NIBAN1: variants seen among roughly 807,000 people sequenced by gnomAD.
NIBAN1 encodes niban apoptosis regulator 1.
A neutral mutation model predicts 75.1 loss-of-function variants in NIBAN1; 81 were observed. The ratio of observed to expected loss-of-function variants is 1.08; its 90% confidence interval spans 0.90 to 1.30. The LOEUF is 1.30. NIBAN1 is among the 50% of genes most tolerant of loss of function. The pLI, the probability that NIBAN1 is intolerant of heterozygous loss-of-function variation, is 0.00. For synonymous variants in NIBAN1, 436 were observed against 424.8 expected, an observed-to-expected ratio of 1.03 and a Z score of -0.32; for missense variants, 1,133 against 1,128.1, an observed-to-expected ratio of 1.00 and a Z score of -0.06.
At chr1:184,934,626 G>A (rs1657907818) in intron 1 of NIBAN1, among the ~76,000 whole-genome samples, 1 of 152,210 alleles carries the variant, frequency 6.6e-6, no homozygotes, top group Admixed American at 6.5e-5. Context: ...GCCACTAGCA[G>A]TGGCTCACGC....
Position 184,974,257 on chromosome 1 carries a change from G to GC in NIBAN1, c.55+44dup, listed in dbSNP as rs1221429369. 1.9e-5 allele frequency: 28 copies of GC among 1,479,690 alleles called. 1 individual carries two copies. The East Asian group carries it at 7.5e-4, about 40-fold the overall frequency. The allele number at this position is 1,479,690 out of a possible 1,614,324, so 91.7% of individuals were successfully genotyped here. ...CCCCGACCGCGGCAGCCAGCCTGGT[G>GC]CACGGGTCAGGGTGCTCCCCAGGCC... On this transcript the variant is annotated intron_variant, in intron 1 of 13. Transcript: ENST00000367511.
chr1:184,864,412 G>A (rs1655895316), intron 5 of NIBAN1, among the ~76,000 whole-genome samples: 1 of 152,060 alleles, frequency 6.6e-6, no homozygotes, highest in African/African-American at 2.4e-5. Context: ...ACACTTTATA[G>A]GTACATTATT....
chr1:184,805,242 T>TA lies in NIBAN1; in HGVS notation c.1446+703dup, dbSNP rs1248980215. On this transcript the variant is annotated intron_variant, in intron 11 of 13. Coordinates refer to ENST00000367511, the MANE Select transcript of NIBAN1 (RefSeq NM_052966.4). The stretch of plus-strand genomic sequence containing the variant: ...AATGTTTAGGGGAACTAGAAGGCAG[T>TA]AAAAAAAATTAGTGGACTAGGTGTA... Among the ~76,000 whole-genome samples the TA allele has an allele frequency of 2.6e-5, 4 of 152,072 alleles. No individual in the cohort carries two copies. In the East Asian group the frequency reaches 7.7e-4, roughly 29 times the overall value.
intron 4 of NIBAN1, among the ~76,000 whole-genome samples, chr1:184,886,501 T>C (rs1656528878): frequency 6.6e-6 from 1 of 152,174 alleles, no homozygotes; most frequent in Admixed American, 6.5e-5. Context: ...TTTAAAGCCC[T>C]AGACAATGGG....
intron 1 of NIBAN1, among the ~76,000 whole-genome samples, chr1:184,956,576 A>C (rs1340152066): frequency 6.6e-6 from 1 of 152,192 alleles, no homozygotes; most frequent in Admixed American, 6.5e-5. Flanking sequence ...CTTCAAAATG[A>C]CAGTAGTTAT....
chr1:184,931,870 C>A (rs1657833620), intron 1 of NIBAN1, among the ~76,000 whole-genome samples: 1 of 152,200 alleles, frequency 6.6e-6, no homozygotes, highest in South Asian at 2.1e-4. Flanking sequence ...CTTAAAGGTA[C>A]ATAAAATAGT....
At chr1:184,823,037 G>T in intron 8 of NIBAN1, 130 bp downstream of exon 8, 2 of 1,065,064 alleles carry the variant, frequency 1.9e-6, no homozygotes, top group South Asian at 1.6e-5. Flanking sequence ...TGTTCCTGTT[G>T]CAGCTGTGAT....
At chr1:184,955,307 TTTTCCTTTCCTTTCC>T (rs539172229) in intron 1 of NIBAN1, among the ~76,000 whole-genome samples, 45 of 94,554 alleles carry the variant, frequency 4.8e-4, no homozygotes, top group South Asian at 2.5e-3. Flanking sequence ...TTTTCTTTTC[TTTTCCTTTCCTTTCC>T]TTTCCTTTCC....
chr1:184,942,075 AAATT>A (rs1213278817), intron 1 of NIBAN1, among the ~76,000 whole-genome samples: 2 of 152,252 alleles, frequency 1.3e-5, no homozygotes, highest in African/African-American at 4.8e-5. Flanking sequence ...TTAAAAAAAC[AAATT>A]AAGTAGACAA....
chr1:184,958,939 A>G (rs1407408347), intron 1 of NIBAN1, among the ~76,000 whole-genome samples: 2 of 152,208 alleles, frequency 1.3e-5, no homozygotes, highest in Admixed American at 6.5e-5. Context: ...TGCTTAGGCA[A>G]TTTTTCCTGT....
Position 184,791,244 on chromosome 1 carries a change from C to T in NIBAN1, c.*3733G>A, listed in dbSNP as rs559301695. 9 of 290,252 alleles carry T rather than the reference C, an allele frequency of 3.1e-5. No homozygotes were observed. The highest frequency in any genetic ancestry group is 9.4e-5 in the East Asian group (1 of 10,638). 18.0% of individuals were successfully genotyped at this position (290,252 alleles called of 1,614,324 possible). A position where few individuals can be genotyped will look rare whatever the true frequency, so the allele number is the denominator to read the frequency against. On this transcript the variant is annotated 3_prime_UTR_variant, in exon 14 of 14. Transcript: ENST00000367511. ...AGGCACATGTTGCCAACTGTTGCAC[C>T]GACTGATACTATTATTAAGTCAATG...
intron 1 of NIBAN1, among the ~76,000 whole-genome samples, chr1:184,915,963 G>T (rs1482123582): frequency 1.3e-5 from 2 of 152,116 alleles, no homozygotes; most frequent in Non-Finnish European, 2.9e-5. Flanking sequence ...TTATATAACT[G>T]CCACAGAGAA....
intron 12 of NIBAN1, 41 bp downstream of exon 12, chr1:184,803,544 G>T: frequency 6.6e-7 from 1 of 1,510,896 alleles, no homozygotes; most frequent in Non-Finnish European, 9.2e-7. Flanking sequence ...GAACTTCAGA[G>T]GTAAGAAGAG....
rs1654273806 is a variant in NIBAN1, at chr1:184,808,533, C to T, written c.1174-298G>A. ...TAAGCTGTTGATGGACTCTAATCTC[C>T]CACTTCCAGAGCTCAAGAACCAGAC... is the stretch of plus-strand genomic sequence containing the variant. On this transcript the variant is annotated intron_variant, in intron 9 of 13. Transcript: ENST00000367511. Among the ~76,000 whole-genome samples, 6 of 152,246 alleles carry T rather than the reference C, an allele frequency of 3.9e-5. No individual in the cohort carries two copies. In the South Asian group the frequency reaches 1.2e-3, roughly 32 times the overall value.
At chr1:184,814,519 G>A (rs1180658801) in intron 9 of NIBAN1, among the ~76,000 whole-genome samples, 1 of 152,076 alleles carries the variant, frequency 6.6e-6, no homozygotes, top group Non-Finnish European at 1.5e-5. Context: ...CAGTCAGTTG[G>A]CCTCATGCTA....
intron 3 of NIBAN1, among the ~76,000 whole-genome samples, chr1:184,891,514 A>G (rs1656665690): frequency 6.6e-6 from 1 of 152,212 alleles, no homozygotes; most frequent in African/African-American, 2.4e-5. Context: ...ATTGGCTTTT[A>G]TAAGCATTAT....
intron 9 of NIBAN1, 120 bp from the exon 10 acceptor site, chr1:184,808,355 T>C: frequency 9.9e-7 from 1 of 1,007,240 alleles, no homozygotes; most frequent in Non-Finnish European, 1.4e-6. Flanking sequence ...GAATCACTAC[T>C]TGGATCCCTA....
intron 5 of NIBAN1, among the ~76,000 whole-genome samples, chr1:184,872,240 G>T (rs549012484): frequency 6.6e-6 from 1 of 151,192 alleles, no homozygotes; most frequent in Non-Finnish European, 1.5e-5. Context: ...GAAAAAGAAC[G>T]AAAATAATTA....
In NIBAN1 at chr1:184,833,021, A is replaced by G. The variant is rs141254732; in HGVS notation, c.602-1059T>C. Among the ~76,000 whole-genome samples the G allele has an allele frequency of 5.2e-3, 798 of 152,180 alleles. 3 individuals are homozygous for G. Among genetic ancestry groups the G allele is most frequent in the Non-Finnish European group, 9.1e-3 (616 of 68,008 alleles). Reference sequence around the variant, plus strand: ...AAAGGGCAAAGTGAAGTGAGTGAAAAGGCCAAGTTCCCTGACTCTCCTCCT... The same window carrying G: ...AAAGGGCAAAGTGAAGTGAGTGAAAGGGCCAAGTTCCCTGACTCTCCTCCT... On this transcript the variant is annotated intron_variant, in intron 5 of 13. Transcript: ENST00000367511.
Sources: gnomAD v4.1 joint callset for allele counts (sites outside exome capture counted in the v4.1 genomes callset) on GRCh38, gnomAD v4.1.1 for gene constraint, MANE v1.5 for transcripts, NCBI Gene and HGNC (gene_info 2026-07-23, HGNC 2026-07-21) for gene names.